NCKAP1L: variants seen among roughly 807,000 people sequenced by gnomAD.
NCKAP1L encodes NCK associated protein 1 like, also known as nck-associated protein 1-like.
Under a neutral mutation model 139.2 loss-of-function variants are expected in NCKAP1L, and 53 were observed. That is an observed-to-expected ratio of 0.38 (90% CI 0.31 to 0.48). The LOEUF is 0.48. NCKAP1L is among the 20% of genes least tolerant of loss of function. NCKAP1L has a pLI of 0.98. For synonymous variants in NCKAP1L, 468 were observed against 499.7 expected, an observed-to-expected ratio of 0.94 and a Z score of 0.85; for missense variants, 1,151 against 1,381.9, an observed-to-expected ratio of 0.83 and a Z score of 2.65.
intron 16 of NCKAP1L, among the ~76,000 whole-genome samples, chr12:54,519,866 C>T (rs1956967685): frequency 2.0e-5 from 3 of 150,180 alleles, no homozygotes; most frequent in South Asian, 2.1e-4. Context: ...TCTTTGGAAA[C>T]GTCTTCAGAT....
At chr12:54,524,016 C>G in intron 20 of NCKAP1L, 60 bp downstream of exon 20, 1 of 1,548,548 alleles carries the variant, frequency 6.5e-7, no homozygotes, top group Non-Finnish European at 8.8e-7. Context: ...CCATATACCT[C>G]TATGTGTAGT....
rs1957073558 is a variant in NCKAP1L, at chr12:54,531,763, C to T, written c.2719C>T (p.Arg907Cys). Residue 907 changes from arginine to cysteine, a missense_variant, in exon 25 of 31, where the codon CGC (arginine) becomes TGC (cysteine). Coordinates refer to ENST00000293373, the MANE Select transcript of NCKAP1L (RefSeq NM_005337.5). ...CTCAGGGGCTGAAAATGTGCTAAAG[C>T]GCATGACCATCATTGGGGTTATCCT... is the stretch of plus-strand genomic sequence containing the variant. ...QLTGAENVLK[R>C]MTIIGVILSF... is the part of the protein sequence containing the mutation. The T allele has an allele frequency of 3.1e-6, 5 of 1,612,556 alleles. No homozygotes were observed. The highest frequency in any genetic ancestry group is 4.2e-6 in the Non-Finnish European group (5 of 1,178,726).
chr12:54,529,272 G>C (rs1301376137), intron 22 of NCKAP1L, among the ~76,000 whole-genome samples: 1 of 152,170 alleles, frequency 6.6e-6, no homozygotes, highest in Admixed American at 6.5e-5. Context: ...CCAGTGTCTA[G>C]AAGTGCTTTT....
At chr12:54,540,926 T>G (rs944479625) in intron 30 of NCKAP1L, among the ~76,000 whole-genome samples, 1 of 152,228 alleles carries the variant, frequency 6.6e-6, no homozygotes, top group African/African-American at 2.4e-5. Context: ...GCAATTTAAA[T>G]GCAAATGTTT....
At position 54,528,374 on chromosome 12, in the gene NCKAP1L, T is replaced by C; in HGVS notation, c.2503T>C (p.Ser835Pro). The C allele has an allele frequency of 6.2e-7, 1 of 1,613,530 alleles. No individual in the cohort carries two copies. ...NFSAEEFSDI[S>P]EMRALAELLG... ...CAGTGCAGAGGAGTTCTCTGACATC[T>C]CTGGTGAGCTCAGGGCCTGGTCTTC... is the stretch of plus-strand genomic sequence containing the variant. The change falls in exon 22 of 31, where the codon TCT becomes CCT. Residue 835 changes from serine (S) to proline (P), a missense_variant. Ser to Pro is a moderately conservative substitution (Grantham distance 74, BLOSUM62 -1). Transcript: ENST00000293373.
Position 54,545,041 on chromosome 12 carries a change from T to C in NCKAP1L, c.*2356T>C, listed in dbSNP as rs1160813387. ...TAAAAAAAGATACAGAACAGTTCCATCACCACAAGGATCCCTCGCATTGCT... is the reference window on the plus strand; with the variant it reads ...TAAAAAAAGATACAGAACAGTTCCACCACCACAAGGATCCCTCGCATTGCT... On this transcript the variant is annotated 3_prime_UTR_variant, in exon 31 of 31. Coordinates refer to ENST00000293373, the MANE Select transcript of NCKAP1L (RefSeq NM_005337.5). 1 of 152,162 alleles carries C rather than the reference T, an allele frequency of 6.6e-6. No individual in the cohort carries two copies. The highest frequency in any genetic ancestry group is 6.5e-5 in the Admixed American group (1 of 15,270). The allele number at this position is 152,162 out of a possible 1,614,324, so 9.4% of individuals were successfully genotyped here.
intron 1 of NCKAP1L, among the ~76,000 whole-genome samples, chr12:54,498,322 AATAG>A (rs1404004648): frequency 6.6e-6 from 1 of 152,014 alleles, no homozygotes; most frequent in South Asian, 2.1e-4. Flanking sequence ...AAGGAAAAAA[AATAG>A]ATAATTAGGT....
chr12:54,497,757 TTGCTGTC>T lies in NCKAP1L; in HGVS notation c.-30_-24del, dbSNP rs760828272. Reference sequence around the variant, plus strand: ...TGAAAGTGTTTGGGGAGATCAGACATTGCTGTCTGGTGCTCCTCTCTCAGTGGCCATC... The same window carrying T: ...TGAAAGTGTTTGGGGAGATCAGACATTGGTGCTCCTCTCTCAGTGGCCATC... On this transcript the variant is annotated 5_prime_UTR_variant, in exon 1 of 31. Transcript: ENST00000293373. 1 of 1,402,460 alleles carries T rather than the reference TTGCTGTC, an allele frequency of 7.1e-7. No individual in the cohort carries two copies. Among genetic ancestry groups the T allele is most frequent in the Non-Finnish European group, 1.0e-6 (1 of 988,146 alleles). 86.9% of individuals were successfully genotyped at this position (1,402,460 alleles called of 1,614,324 possible). A position where few individuals can be genotyped will look rare whatever the true frequency, so the allele number is the denominator to read the frequency against.
intron 26 of NCKAP1L, among the ~76,000 whole-genome samples, chr12:54,534,658 G>C (rs187155703): frequency 1.2e-3 from 179 of 152,274 alleles, no homozygotes; most frequent in African/African-American, 4.1e-3. Context: ...TATGAGAGAG[G>C]AAGTTGTAGT....
chr12:54,538,764 C>T, intron 29 of NCKAP1L, 120 bp from the exon 30 acceptor site: 1 of 754,144 alleles, frequency 1.3e-6, no homozygotes, highest in South Asian at 1.7e-5. Context: ...CACCCTGAGT[C>T]TTCAGGAACA....
Position 54,531,516 on chromosome 12 carries a change from T to C in NCKAP1L, c.2630T>C (p.Ile877Thr). The C allele has an allele frequency of 6.2e-7, 1 of 1,614,230 alleles. No individual in the cohort carries two copies. Among genetic ancestry groups the C allele is most frequent in the Non-Finnish European group, 8.5e-7 (1 of 1,180,042 alleles). The stretch of plus-strand genomic sequence containing the variant: ...AAGCTGGTGGTGGAAAACATGGACA[T>C]ACTTGTTCAGATCAGATCCAACTTT... ...LKKLVVENMD[I>T]LVQIRSNFSK... Residue 877 changes from isoleucine to threonine, a missense_variant, in exon 24 of 31, where the codon ATA becomes ACA. Coordinates refer to ENST00000293373, the MANE Select transcript of NCKAP1L (RefSeq NM_005337.5).
chr12:54,519,429 ATTTT>A (rs10686138), intron 16 of NCKAP1L, 97 bp downstream of exon 16: 60 of 502,030 alleles, frequency 1.2e-4, no homozygotes, highest in Non-Finnish European at 1.5e-4. Flanking sequence ...ATTTTGTTTA[ATTTT>A]TTTTTTTTTT....
At chr12:54,510,761 A>T (rs1956881885) in intron 7 of NCKAP1L, among the ~76,000 whole-genome samples, 1 of 150,238 alleles carries the variant, frequency 6.7e-6, no homozygotes, top group African/African-American at 2.5e-5. Context: ...ACCTCAAGTG[A>T]TCTGTGTGCC....
At chr12:54,525,596 C>T (rs780670370) in intron 20 of NCKAP1L, among the ~76,000 whole-genome samples, 24 of 152,150 alleles carry the variant, frequency 1.6e-4, no homozygotes, top group Non-Finnish European at 3.2e-4. Flanking sequence ...TAAGGTTGGC[C>T]TAGAGGTTTG....
chr12:54,526,995 T>C (rs12369549), intron 21 of NCKAP1L, among the ~76,000 whole-genome samples: 57,848 of 152,038 alleles, frequency 0.38, 13,039 homozygotes, highest in African/African-American at 0.62. Context: ...TGACCTTTTC[T>C]CTCTAATATC....
rs769416576 is a variant in NCKAP1L at position 54,528,421 on chromosome 12, C to T, written c.2506+44C>T. On this transcript the variant is annotated intron_variant, in intron 22 of 30. Coordinates refer to ENST00000293373, the MANE Select transcript of NCKAP1L (RefSeq NM_005337.5). ...CTTCTTGTCAAGGAGCTGAGCCCTT[C>T]CTTCAATGCACAGAGAATAAAAGAC... The T allele has an allele frequency of 1.6e-5, 25 of 1,599,426 alleles. No homozygotes were observed. The Middle Eastern group carries it at 5.8e-4, about 37-fold the overall frequency.
Position 54,531,767 on chromosome 12 carries a change from T to A in NCKAP1L, c.2723T>A (p.Met908Lys). 2 of 1,612,888 alleles carry A rather than the reference T, an allele frequency of 1.2e-6. No individual in the cohort carries two copies. Among genetic ancestry groups the A allele is most frequent in the Non-Finnish European group, 1.7e-6 (2 of 1,178,916 alleles). The part of the protein sequence containing the change: ...LTGAENVLKR[M>K]TIIGVILSFR... Reference sequence around the variant, plus strand: ...GGGGCTGAAAATGTGCTAAAGCGCATGACCATCATTGGGGTTATCCTCAGT... The same window carrying A: ...GGGGCTGAAAATGTGCTAAAGCGCAAGACCATCATTGGGGTTATCCTCAGT... Residue 908 changes from methionine to lysine, a missense_variant, in exon 25 of 31, where the codon ATG (methionine) becomes AAG (lysine). Physicochemically the swap from Met to Lys is moderately conservative, Grantham distance 95 (BLOSUM62 -1). Transcript: ENST00000293373.
In NCKAP1L at chr12:54,548,172, A is replaced by T. The variant is rs1232667441; in HGVS notation, c.*5487A>T. On this transcript the variant is annotated 3_prime_UTR_variant, in exon 31 of 31. Transcript: ENST00000293373. ...ACTCAGTATTTAGAACAGAGTAAAT[A>T]CCTTCTCCTGATCACTCCTCCTTCC... The T allele has an allele frequency of 1.3e-5, 2 of 152,180 alleles. No homozygotes were observed. 9.4% of individuals were successfully genotyped at this position (152,180 alleles called of 1,614,324 possible). A position where few individuals can be genotyped will look rare whatever the true frequency, so the allele number is the denominator to read the frequency against.
chr12:54,540,528 C>T (rs985776795), intron 30 of NCKAP1L, among the ~76,000 whole-genome samples: 4 of 152,194 alleles, frequency 2.6e-5, no homozygotes, highest in Admixed American at 6.5e-5. Flanking sequence ...TCTTCTGAGA[C>T]TTCGGCTCTC....
Sources: allele counts gnomAD v4.1 joint callset (sites outside exome capture counted in the v4.1 genomes callset), GRCh38; gene constraint gnomAD v4.1.1; transcripts MANE v1.5; gene names NCBI Gene and HGNC (gene_info 2026-07-23, HGNC 2026-07-21).